Variants in ZNF395 observed in about 807,000 individuals in gnomAD.
The protein encoded by ZNF395 is HD gene regulatory region-binding protein 2.
A neutral mutation model predicts 57.7 loss-of-function variants in ZNF395; 20 were observed. The observed-to-expected ratio is 0.35, with a 90% CI of 0.24 to 0.50. The LOEUF (loss-of-function observed/expected upper bound fraction) is 0.50, where lower values mean the gene tolerates loss of function less well. ZNF395 is among the 20% of genes least tolerant of loss of function. The pLI is 0.97. For missense variants in ZNF395, 606 were observed against 671.2 expected, an observed-to-expected ratio of 0.90 and a Z score of 1.07; for synonymous variants, 295 against 275.9, an observed-to-expected ratio of 1.07 and a Z score of -0.69.
rs1476129668 is a variant in ZNF395 at position 28,354,515 on chromosome 8, G to T, written c.584-1107C>A. Reference sequence around the variant, plus strand: ...TTTCTCTCCTCTTGCTCATAGTCCAGACTCCTTCAATGCTAATCAGGGATC... The same window carrying T: ...TTTCTCTCCTCTTGCTCATAGTCCATACTCCTTCAATGCTAATCAGGGATC... On this transcript the variant is annotated intron_variant, in intron 4 of 9. Coordinates refer to ENST00000344423, the MANE Select transcript of ZNF395 (RefSeq NM_018660.3). Among the ~76,000 whole-genome samples, 15 of 152,190 alleles carry T rather than the reference G, an allele frequency of 9.9e-5. No homozygotes were observed. The East Asian group carries it at 2.9e-3, about 29-fold the overall frequency.
chr8:28,352,530 C>T lies in ZNF395; in HGVS notation c.920+43G>A, dbSNP rs766502520. On this transcript the variant is annotated intron_variant, in intron 6 of 9. Transcript: ENST00000344423. The surrounding 1 kb of genome is among the most constrained non-coding windows in gnomAD (Gnocchi z 4.0). Reference sequence around the variant, plus strand: ...AGGGACTCGGCAGGGTGGAGGGACACCCACACGCGACCCTAGGCTAGAGGC... The same window carrying T: ...AGGGACTCGGCAGGGTGGAGGGACATCCACACGCGACCCTAGGCTAGAGGC... 2.2e-5 allele frequency: 35 copies of T among 1,570,752 alleles called. No homozygotes were observed. The South Asian group carries it at 2.7e-4, about 12-fold the overall frequency.
In ZNF395 at chr8:28,351,729, A is replaced by G. The variant is rs957750735; in HGVS notation, c.999T>C (p.Ala333=). The G allele has an allele frequency of 1.9e-6, 3 of 1,606,930 alleles. No individual in the cohort carries two copies. In the African/African-American group the frequency reaches 4.0e-5, roughly 21 times the overall value. ...CTGCGGCAGCAGCAGCAGCAGCAGC[A>G]GCAGATTCCTCCTTCAGCTGCACCT... ...YTEVQLKEES[A]AAAAAAAAGT... is the part of the protein sequence containing the mutation. The change falls in exon 7 of 10, where the codon GCT becomes GCC. Residue 333 remains alanine (A), a synonymous_variant. Coordinates refer to ENST00000344423, the MANE Select transcript of ZNF395 (RefSeq NM_018660.3).
intron 1 of ZNF395, among the ~76,000 whole-genome samples, chr8:28,381,828 T>C (rs1413403022): frequency 6.6e-6 from 1 of 152,190 alleles, no homozygotes; most frequent in Non-Finnish European, 1.5e-5. Context: ...TTGGGGTCAC[T>C]TGAAACTTGC....
At chr8:28,349,940 A>C (rs1801658677) in intron 8 of ZNF395, 124 bp downstream of exon 8, 2 of 837,164 alleles carry the variant, frequency 2.4e-6, no homozygotes. Flanking sequence ...TGGGGGCTGA[A>C]AGCAAGATGG....
At chr8:28,368,333 T>G (rs1169462291) in intron 1 of ZNF395, 1 of 152,190 alleles carries the variant, frequency 6.6e-6, no homozygotes, top group East Asian at 1.9e-4. Context: ...TATACTCTCT[T>G]GAATGCACAC....
At chr8:28,380,100 T>A (rs960329446) in intron 1 of ZNF395, among the ~76,000 whole-genome samples, 3 of 152,208 alleles carry the variant, frequency 2.0e-5, no homozygotes, top group Admixed American at 6.5e-5. Context: ...ACTTATTTAT[T>A]ACCTCTAGCC....
Position 28,352,672 on chromosome 8 carries a change from T to C in ZNF395, c.821A>G (p.Asn274Ser), listed in dbSNP as rs1448403538. 6.2e-7 allele frequency: 1 copy of C among 1,613,400 alleles called. No homozygotes were observed. The highest frequency in any genetic ancestry group is 1.3e-5 in the African/African-American group (1 of 74,824). Residue 274 changes from asparagine to serine, a missense_variant and splice_region_variant, in exon 6 of 10, where the codon AAC (asparagine) becomes AGC (serine). Asn to Ser is a conservative substitution (Grantham distance 46). Coordinates refer to ENST00000344423, the MANE Select transcript of ZNF395 (RefSeq NM_018660.3). This position sits in a 1 kb window ranked among gnomAD's most constrained non-coding sequence, Gnocchi z 4.0. ...GCACTTGTACATCACCTTCACAGAG[T>C]TCTACAGGAAAGGAAGACAGGGTGA... ...LDEPAPRKRK[N>S]SVKVMYKCLW...
At chr8:28,360,333 A>G (rs1801833102) in intron 2 of ZNF395, among the ~76,000 whole-genome samples, 1 of 152,192 alleles carries the variant, frequency 6.6e-6, no homozygotes, top group Non-Finnish European at 1.5e-5. Context: ...AGGGAGCCAG[A>G]GGTAGAGTCC....
At chr8:28,349,364 C>T (rs1260334338) in intron 8 of ZNF395, 136 bp from the exon 9 acceptor site, 2 of 555,488 alleles carry the variant, frequency 3.6e-6, no homozygotes, top group African/African-American at 2.0e-5. Flanking sequence ...AACACTCCAG[C>T]CGAGGGGAGC....
intron 4 of ZNF395, among the ~76,000 whole-genome samples, chr8:28,355,931 T>C (rs991671646): frequency 1.3e-5 from 2 of 152,084 alleles, no homozygotes; most frequent in African/African-American, 4.8e-5. Context: ...TTCCTGTAAG[T>C]TTATAAGTAG....
chr8:28,359,646 C>G lies in ZNF395; in HGVS notation c.419G>C (p.Gly140Ala). ...PCPQAPPLEPGAQALAYRPVS... is the reference protein window; with the variant it reads ...PCPQAPPLEPAAQALAYRPVS... ...GGGCCTGTAGGCCAGGGCCTGGGCT[C>G]CGGGCTCCAGGGGTGGTGCCTGGGG... Residue 140 changes from glycine (G) to alanine (A), a missense_variant, in exon 3 of 10, where the codon GGA (glycine) becomes GCA (alanine). Physicochemically the swap from Gly to Ala is moderately conservative, Grantham distance 60. Transcript: ENST00000344423. The surrounding 1 kb of genome is among the most constrained non-coding windows in gnomAD (Gnocchi z 4.7). 3 of 1,613,050 alleles carry G rather than the reference C, an allele frequency of 1.9e-6. No individual in the cohort carries two copies. In the South Asian group the frequency reaches 3.3e-5, roughly 18 times the overall value.
At position 28,352,723 on chromosome 8, in the gene ZNF395, T is replaced by G. The variant is rs775533884; in HGVS notation, c.820-50A>C. The stretch of plus-strand genomic sequence containing the variant: ...GTGGATATGTCTTTCTCCTTATCCC[T>G]CGCTCAACCTTACCCAGTGGGGACT... On this transcript the variant is annotated intron_variant, in intron 5 of 9. Transcript: ENST00000344423. This position sits in a 1 kb window ranked among gnomAD's most constrained non-coding sequence, Gnocchi z 4.0. 1 of 1,531,576 alleles carries G rather than the reference T, an allele frequency of 6.5e-7. No individual in the cohort carries two copies. Among genetic ancestry groups the G allele is most frequent in the South Asian group, 1.1e-5 (1 of 89,052 alleles). The allele number at this position is 1,531,576 out of a possible 1,614,324, so 94.9% of individuals were successfully genotyped here.
chr8:28,353,867 G>C (rs1235977306), intron 4 of ZNF395, among the ~76,000 whole-genome samples: 1 of 152,066 alleles, frequency 6.6e-6, no homozygotes, highest in Admixed American at 6.5e-5. Context: ...CAGAGTGTTG[G>C]GTACCACCCA....
chr8:28,357,468 A>T (rs186953647), intron 3 of ZNF395, among the ~76,000 whole-genome samples: 5 of 152,388 alleles, frequency 3.3e-5, no homozygotes, highest in African/African-American at 1.2e-4. Flanking sequence ...TCACTACATT[A>T]TTTGGAAGTA....
intron 1 of ZNF395, among the ~76,000 whole-genome samples, chr8:28,383,844 A>G (rs912451233): frequency 1.3e-5 from 2 of 152,152 alleles, no homozygotes; most frequent in Middle Eastern, 3.4e-3. Context: ...TAACATCTGG[A>G]TATCTTAGCA....
intron 4 of ZNF395, among the ~76,000 whole-genome samples, chr8:28,353,923 A>T (rs1294957013): frequency 6.6e-6 from 1 of 152,222 alleles, no homozygotes; most frequent in African/African-American, 2.4e-5. Context: ...CTTCTTGACC[A>T]GCTTTCCTGA....
chr8:28,369,691 G>A (rs1278994165), intron 1 of ZNF395, among the ~76,000 whole-genome samples: 3 of 152,222 alleles, frequency 2.0e-5, no homozygotes, highest in Admixed American at 6.5e-5. Flanking sequence ...CCCCCAGGTG[G>A]GGCCTGGCCA....
chr8:28,363,983 T>A (rs2129966086), intron 1 of ZNF395, among the ~76,000 whole-genome samples: 1 of 152,302 alleles, frequency 6.6e-6, no homozygotes, highest in Non-Finnish European at 1.5e-5. Context: ...ATTTTCTCAT[T>A]GGCTTTATTT....
intron 1 of ZNF395, among the ~76,000 whole-genome samples, chr8:28,368,124 AAGG>A (rs778756844): frequency 2.6e-5 from 4 of 152,064 alleles, no homozygotes; most frequent in South Asian, 2.1e-4. Context: ...ACAGTTCCAG[AAGG>A]AGGTGGGGAG....
Sources: gnomAD v4.1 joint callset for allele counts (sites outside exome capture counted in the v4.1 genomes callset) on GRCh38, gnomAD v4.1.1 for gene constraint, Gnocchi (gnomAD v3.1) non-coding constraint, MANE v1.5 for transcripts, NCBI Gene and HGNC (gene_info 2026-07-23, HGNC 2026-07-21) for gene names.